PIP5K1C: variants seen among roughly 807,000 people sequenced by gnomAD.
PIP5K1C encodes phosphatidylinositol 4-phosphate 5-kinase type-1 gamma.
A neutral mutation model predicts 80.1 loss-of-function variants in PIP5K1C; 45 were observed. That is an observed-to-expected ratio of 0.56 (90% CI 0.44 to 0.72). The LOEUF is 0.72. Ranked by LOEUF, PIP5K1C falls within the 30% of genes least tolerant of loss-of-function variation. The probability of loss-of-function intolerance (pLI) is 0.00; values close to 1 mark genes in which losing one functional copy is unlikely to be tolerated. For missense variants in PIP5K1C, 753 were observed against 954.6 expected (o/e 0.79, Z 2.78); for synonymous variants, 498 against 420.1 (o/e 1.19, Z -2.27).
rs577201494 is a variant in PIP5K1C at position 3,638,948 on chromosome 19, T to C, written c.1856A>G (p.Glu619Gly). The change falls in exon 16 of 18, where the codon GAG (glutamate) becomes GGG (glycine). Residue 619 changes from glutamate (E) to glycine (G), a missense_variant. Transcript: ENST00000335312. ...GGCCTGGCTGGCAGGTGCGCCCTCCTCGTCTGAGGCCTGGCTGGCAGTTTC... is the reference window on the plus strand; with the variant it reads ...GGCCTGGCTGGCAGGTGCGCCCTCCCCGTCTGAGGCCTGGCTGGCAGTTTC... ...EVETASQASD[E>G]EGAPASQASD... 6.2e-7 allele frequency: 1 copy of C among 1,612,244 alleles called. No homozygotes were observed. Among genetic ancestry groups the C allele is most frequent in the East Asian group, 2.2e-5 (1 of 44,840 alleles).
rs569586581 is a variant in PIP5K1C at position 3,652,343 on chromosome 19, G to C, written c.922-312C>G. ...CTGAGAGACAGGGAGCCGGGCCTAT[G>C]CTCTGACCAGCCCAGGCCCATGGGC... On this transcript the variant is annotated intron_variant, in intron 7 of 17. Coordinates refer to ENST00000335312, the MANE Select transcript of PIP5K1C (RefSeq NM_012398.3). 2.0e-5 allele frequency among the ~76,000 whole-genome samples: 3 copies of C among 152,370 alleles called. No individual in the cohort carries two copies. In the South Asian group the frequency reaches 6.2e-4, roughly 32 times the overall value.
At position 3,639,129 on chromosome 19, in the gene PIP5K1C, A is replaced by G; in HGVS notation, c.1788-113T>C. The G allele has an allele frequency of 3.8e-6, 5 of 1,309,156 alleles. No homozygotes were observed. In the South Asian group the frequency reaches 4.9e-5, roughly 13 times the overall value. 81.1% of individuals were successfully genotyped at this position (1,309,156 alleles called of 1,614,324 possible). A position where few individuals can be genotyped will look rare whatever the true frequency, so the allele number is the denominator to read the frequency against. ...TCATACGGTCATCACGGAGATGAAA[A>G]GCCAGGCAGCTGACCACAGGCCGCG... On this transcript the variant is annotated intron_variant, in intron 15 of 17. Coordinates refer to ENST00000335312, the MANE Select transcript of PIP5K1C (RefSeq NM_012398.3).
intron 3 of PIP5K1C, among the ~76,000 whole-genome samples, chr19:3,662,350 A>C (rs920631704): frequency 6.6e-6 from 1 of 152,132 alleles, no homozygotes; most frequent in African/African-American, 2.4e-5. Context: ...CACTGTCAAG[A>C]GTTTGTTTTT....
intron 1 of PIP5K1C, among the ~76,000 whole-genome samples, chr19:3,677,626 G>C (rs936448309): frequency 2.6e-5 from 4 of 150,980 alleles, no homozygotes; most frequent in Admixed American, 1.3e-4. Flanking sequence ...GCTGAATCGT[G>C]TTAAGTGTTG....
intron 1 of PIP5K1C, among the ~76,000 whole-genome samples, chr19:3,672,814 A>C (rs1486834616): frequency 6.6e-6 from 1 of 152,084 alleles, no homozygotes; most frequent in Non-Finnish European, 1.5e-5. Context: ...GCAGGACAGG[A>C]ACAGTGGTGG....
At chr19:3,689,116 T>A (rs1199920054) in intron 1 of PIP5K1C, among the ~76,000 whole-genome samples, 1 of 152,114 alleles carries the variant, frequency 6.6e-6, no homozygotes, top group Non-Finnish European at 1.5e-5. Context: ...ACTCCTGGGC[T>A]CAGTAATCCA....
chr19:3,689,774 C>T (rs921628804), intron 1 of PIP5K1C, among the ~76,000 whole-genome samples: 21 of 152,244 alleles, frequency 1.4e-4, no homozygotes, highest in African/African-American at 4.8e-4. Context: ...CACACGCACA[C>T]GCTAACACAC....
chr19:3,653,972 GCA>G lies in PIP5K1C; in HGVS notation c.622-385_622-384del, dbSNP rs551990497. ...CTAAAATACATACATGTATGTATATGCACACACAAACACATACACACACACGC... is the reference window on the plus strand; with the variant it reads ...CTAAAATACATACATGTATGTATATGCACACAAACACATACACACACACGC... On this transcript the variant is annotated intron_variant, in intron 6 of 17. Coordinates refer to ENST00000335312, the MANE Select transcript of PIP5K1C (RefSeq NM_012398.3). Among the ~76,000 whole-genome samples the G allele has an allele frequency of 1.9e-3, 288 of 152,272 alleles. 2 individuals are homozygous for G. Among genetic ancestry groups the G allele is most frequent in the Non-Finnish European group, 8.2e-4 (56 of 67,996 alleles).
chr19:3,690,816 C>G (rs562674695), intron 1 of PIP5K1C, among the ~76,000 whole-genome samples: 1 of 152,216 alleles, frequency 6.6e-6, no homozygotes, highest in Non-Finnish European at 1.5e-5. Context: ...CATACAGGTC[C>G]CAGAAAATGA....
chr19:3,643,391 G>A lies in PIP5K1C; in HGVS notation c.1511-10C>T. ...AGGAGGTCGGGCCGGCCTGAGGGGA[G>A]AGGACTGTGGGCACCTTGCGGAGCC... On this transcript the variant is annotated splice_polypyrimidine_tract_variant and intron_variant, in intron 12 of 17. Transcript: ENST00000335312. 3 of 1,613,124 alleles carry A rather than the reference G, an allele frequency of 1.9e-6. No homozygotes were observed. The highest frequency in any genetic ancestry group is 2.5e-6 in the Non-Finnish European group (3 of 1,179,862).
chr19:3,648,858 C>A lies in PIP5K1C; in HGVS notation c.1128-150G>T, dbSNP rs370404773. The A allele has an allele frequency of 1.1e-4, 71 of 668,580 alleles. No individual in the cohort carries two copies. The African/African-American group carries it at 1.1e-3, about 11-fold the overall frequency. The allele number at this position is 668,580 out of a possible 1,614,324, so 41.4% of individuals were successfully genotyped here. ...CGGAGTGGGGCCTGGCACCCGGGAACCTCTGTCCTGACATCCCTCCATCAC... is the reference window on the plus strand; with the variant it reads ...CGGAGTGGGGCCTGGCACCCGGGAAACTCTGTCCTGACATCCCTCCATCAC... On this transcript the variant is annotated intron_variant, in intron 8 of 17. Coordinates refer to ENST00000335312, the MANE Select transcript of PIP5K1C (RefSeq NM_012398.3). This position sits in a 1 kb window ranked among gnomAD's most constrained non-coding sequence, Gnocchi z 4.3.
intron 4 of PIP5K1C, 56 bp from the exon 5 acceptor site, chr19:3,661,139 C>G: frequency 8.3e-7 from 1 of 1,201,024 alleles, no homozygotes; most frequent in African/African-American, 1.5e-5. Context: ...CTCTCCCCCA[C>G]CCCCGCCATG....
chr19:3,644,284 T>C (rs1241280744), intron 11 of PIP5K1C, 33 bp from the exon 12 acceptor site: 1 of 1,603,076 alleles, frequency 6.2e-7, no homozygotes. Context: ...GTGCTTGGGG[T>C]TGCTGGGGGC....
Position 3,661,882 on chromosome 19 carries a change from G to A in PIP5K1C, c.339C>T (p.Ile113=). Residue 113 remains isoleucine, a synonymous_variant, in exon 4 of 18, where the codon ATC becomes ATT. Coordinates refer to ENST00000335312, the MANE Select transcript of PIP5K1C (RefSeq NM_012398.3). ...LMQDFYVVES[I]FFPSEGSNLT... ...GGGGCCCGGCCCACCTGGGGAAGAA[G>A]ATGCTCTCCACCACGTAGAAGTCCT... The A allele has an allele frequency of 6.2e-7, 1 of 1,612,472 alleles. No individual in the cohort carries two copies. The highest frequency in any genetic ancestry group is 8.5e-7 in the Non-Finnish European group (1 of 1,179,998).
intron 3 of PIP5K1C, among the ~76,000 whole-genome samples, chr19:3,662,490 T>A (rs1199538317): frequency 1.3e-5 from 2 of 152,226 alleles, no homozygotes; most frequent in African/African-American, 2.4e-5. Flanking sequence ...GTGCCTCAGT[T>A]TCCCTGCCTG....
intron 17 of PIP5K1C, 95 bp from the exon 18 acceptor site, chr19:3,633,264 T>C: frequency 1.4e-6 from 1 of 697,464 alleles, no homozygotes; most frequent in Non-Finnish European, 2.6e-6. Context: ...ACACAGGCCC[T>C]GAGACACTTA....
At position 3,688,332 on chromosome 19, in the gene PIP5K1C, C is replaced by G. The variant is rs1488371141; in HGVS notation, c.94+11965G>C. On this transcript the variant is annotated intron_variant, in intron 1 of 17. Coordinates refer to ENST00000335312, the MANE Select transcript of PIP5K1C (RefSeq NM_012398.3). The surrounding 1 kb of genome is among the most constrained non-coding windows in gnomAD (Gnocchi z 5.3). ...GGTTAGGCCGTGGTGGGAAACAGAGCGGGGTGCCGCAGGGGAGCCCGCAGG... is the reference window on the plus strand; with the variant it reads ...GGTTAGGCCGTGGTGGGAAACAGAGGGGGGTGCCGCAGGGGAGCCCGCAGG... 6.6e-6 allele frequency among the ~76,000 whole-genome samples: 1 copy of G among 152,134 alleles called. No individual in the cohort carries two copies. The highest frequency in any genetic ancestry group is 1.5e-5 in the Non-Finnish European group (1 of 67,990).
rs373861884 is a variant in PIP5K1C, at chr19:3,643,115, T to C, written c.1649+128A>G. On this transcript the variant is annotated intron_variant, in intron 13 of 17. Transcript: ENST00000335312. ...CCCCCGCGCACCCACATGCAGTGTATGTACATCCACCGTACATACGATGCT... is the reference window on the plus strand; with the variant it reads ...CCCCCGCGCACCCACATGCAGTGTACGTACATCCACCGTACATACGATGCT... The C allele has an allele frequency of 1.1e-4, 171 of 1,506,208 alleles. No homozygotes were observed. The East Asian group carries it at 2.8e-3, about 25-fold the overall frequency. The allele number at this position is 1,506,208 out of a possible 1,614,324, so 93.3% of individuals were successfully genotyped here. A position where few individuals can be genotyped will look rare whatever the true frequency, so the allele number is the denominator to read the frequency against.
rs769281267 is a variant in PIP5K1C, at chr19:3,656,425, G to A, written c.601C>T (p.Leu201=). 6.2e-7 allele frequency: 1 copy of A among 1,613,530 alleles called. No homozygotes were observed. Among genetic ancestry groups the A allele is most frequent in the Admixed American group, 1.7e-5 (1 of 60,022 alleles). The change falls in exon 6 of 18, where the codon CTG becomes TTG. Residue 201 remains leucine (L), a synonymous_variant. Coordinates refer to ENST00000335312, the MANE Select transcript of PIP5K1C (RefSeq NM_012398.3). The part of the protein sequence containing the change: ...MHKEAEFLQK[L]LPGYYMNLNQ... ...CGCACCATGTAGTAGCCAGGGAGCAGCTTCTGCAGGAACTCGGCCTCCTTG... is the reference window on the plus strand; with the variant it reads ...CGCACCATGTAGTAGCCAGGGAGCAACTTCTGCAGGAACTCGGCCTCCTTG...
Sources: allele counts gnomAD v4.1 joint callset (sites outside exome capture counted in the v4.1 genomes callset), GRCh38; gene constraint gnomAD v4.1.1; non-coding constraint Gnocchi (gnomAD v3.1); transcripts MANE v1.5; gene names NCBI Gene and HGNC (gene_info 2026-07-23, HGNC 2026-07-21).